ZNF559: variants seen among roughly 807,000 people sequenced by gnomAD.
ZNF559 encodes the protein zinc finger protein 559.
In ZNF559, 17 loss-of-function variants were observed where a neutral mutation model predicts 14.2. That is an observed-to-expected ratio of 1.20 (90% confidence interval 0.82 to 1.80). ZNF559 has a LOEUF of 1.80. Among genes scored for constraint, ZNF559 ranks in the 40% most tolerant of loss-of-function variants. ZNF559 has a pLI of 0.00. For missense variants in ZNF559, 740 were observed against 629.7 expected (o/e 1.18, Z -1.88); for synonymous variants, 244 against 212.4 (o/e 1.15, Z -1.29).
intron 4 of ZNF559, 58 bp downstream of exon 4, chr19:9,338,640 T>G: frequency 7.4e-7 from 1 of 1,344,366 alleles, no homozygotes. Flanking sequence ...CATGTAGATG[T>G]GTTTTCTCCT....
intron 5 of ZNF559, 138 bp from the exon 6 acceptor site, chr19:9,340,964 T>C: frequency 2.9e-6 from 2 of 692,542 alleles, no homozygotes; most frequent in South Asian, 3.8e-5. Flanking sequence ...TCAATTTATG[T>C]TTCCCGTTCT....
Position 9,343,906 on chromosome 19 carries a change from C to G in ZNF559, c.*838C>G, listed in dbSNP as rs1178834401. On this transcript the variant is annotated 3_prime_UTR_variant, in exon 7 of 7. Coordinates refer to ENST00000603380, the MANE Select transcript of ZNF559 (RefSeq NM_032497.3). ...TGGAACTCTTTATTATTGAGGAGTT[C>G]CACTCTTTCCCCCATTTGTCACTAC... 1 of 720,838 alleles carries G rather than the reference C, an allele frequency of 1.4e-6. No individual in the cohort carries two copies. The highest frequency in any genetic ancestry group is 1.7e-6 in the Non-Finnish European group (1 of 588,980). The allele number at this position is 720,838 out of a possible 1,614,324, so 44.7% of individuals were successfully genotyped here. A position where few individuals can be genotyped will look rare whatever the true frequency, so the allele number is the denominator to read the frequency against.
At chr19:9,333,829 A>C (rs1307279146) in intron 2 of ZNF559, among the ~76,000 whole-genome samples, 1 of 152,174 alleles carries the variant, frequency 6.6e-6, no homozygotes, top group Non-Finnish European at 1.5e-5. Context: ...AATCCAATAG[A>C]AAAATTAAGA....
intron 5 of ZNF559, among the ~76,000 whole-genome samples, chr19:9,339,934 A>ATTT (rs545536064): frequency 6.9e-5 from 6 of 86,420 alleles, no homozygotes; most frequent in African/African-American, 1.9e-4. Context: ...ACGCCTGGCT[A>ATTT]TTTTTTTTTT....
chr19:9,337,531 C>G (rs983217519), intron 2 of ZNF559, among the ~76,000 whole-genome samples: 1 of 152,162 alleles, frequency 6.6e-6, no homozygotes, highest in African/African-American at 2.4e-5. Context: ...AGAAGAACCT[C>G]AGGAGTTTAG....
chr19:9,324,070 C>T (rs1599264603), upstream of ZNF559: 2 of 1,313,546 alleles, frequency 1.5e-6, no homozygotes, highest in East Asian at 2.5e-5. Context: ...CATTTCCTCT[C>T]AGCTCTGGGT....
intron 1 of ZNF559, 76 bp from the exon 2 acceptor site, chr19:9,324,617 GAC>G (rs1568354656): frequency 2.9e-6 from 3 of 1,016,952 alleles, no homozygotes; most frequent in Non-Finnish European, 2.7e-6. Context: ...AACATAGGGA[GAC>G]CCCCCCCCCC....
chr19:9,328,765 G>A (rs1054683379), intron 2 of ZNF559, among the ~76,000 whole-genome samples: 3 of 152,200 alleles, frequency 2.0e-5, no homozygotes, highest in African/African-American at 7.2e-5. Flanking sequence ...ACACGGTGTC[G>A]CATTTCCTTG....
In ZNF559 at chr19:9,338,571, A is replaced by G; in HGVS notation, c.22A>G (p.Asn8Asp). 1 of 1,613,584 alleles carries G rather than the reference A, an allele frequency of 6.2e-7. No individual in the cohort carries two copies. The highest frequency in any genetic ancestry group is 1.1e-5 in the South Asian group (1 of 91,082). MVAGWLT[N>D]YSQDSVTFED... ...AAGGATGGTGGCTGGGTGGTTGACA[A>G]ATTACTCTCAGGTAAGTAGGAAATT... The change falls in exon 4 of 7, where the codon AAT becomes GAT. Residue 8 changes from asparagine (N) to aspartate (D), a missense_variant. Coordinates refer to ENST00000603380, the MANE Select transcript of ZNF559 (RefSeq NM_032497.3).
chr19:9,339,044 G>A (rs1256647343), intron 4 of ZNF559, 149 bp from the exon 5 acceptor site: 5 of 1,035,554 alleles, frequency 4.8e-6, no homozygotes, highest in Non-Finnish European at 7.2e-6. Context: ...CGGTGAATAT[G>A]TACAGACAGG....
In ZNF559 at chr19:9,338,131, G is replaced by A. The variant is rs182098351; in HGVS notation, c.-57+273G>A. 5.6e-3 allele frequency: 5,000 copies of A among 891,878 alleles called. 16 individuals carry two copies. The highest frequency in any genetic ancestry group is 7.5e-3 in the Non-Finnish European group (4,193 of 562,762). 55.2% of individuals were successfully genotyped at this position (891,878 alleles called of 1,614,324 possible). ...CCCTGCTTTTGAGATACCTAGAAGAGGCTAAAGTAGATACGAATATTCTGT... is the reference window on the plus strand; with the variant it reads ...CCCTGCTTTTGAGATACCTAGAAGAAGCTAAAGTAGATACGAATATTCTGT... On this transcript the variant is annotated intron_variant, in intron 3 of 6. Coordinates refer to ENST00000603380, the MANE Select transcript of ZNF559 (RefSeq NM_032497.3).
In ZNF559 at chr19:9,344,402, GGA is replaced by G. The variant is rs2067687169; in HGVS notation, c.*1336_*1337del. 1 of 151,760 alleles carries G rather than the reference GGA, an allele frequency of 6.6e-6. No individual in the cohort carries two copies. Among genetic ancestry groups the G allele is most frequent in the Admixed American group, 6.6e-5 (1 of 15,250 alleles). The allele number at this position is 151,760 out of a possible 1,614,324, so 9.4% of individuals were successfully genotyped here. Reference sequence around the variant, plus strand: ...CTCACACCTTAATTCCAGCAATTTGGGAGGCCAAGGCAGAAGGATCACTTGAG... The same window carrying G: ...CTCACACCTTAATTCCAGCAATTTGGGGCCAAGGCAGAAGGATCACTTGAG... On this transcript the variant is annotated 3_prime_UTR_variant, in exon 7 of 7. Coordinates refer to ENST00000603380, the MANE Select transcript of ZNF559 (RefSeq NM_032497.3).
Position 9,341,897 on chromosome 19 carries a change from G to C in ZNF559, c.446G>C (p.Cys149Ser). 1 of 1,612,012 alleles carries C rather than the reference G, an allele frequency of 6.2e-7. No individual in the cohort carries two copies. The highest frequency in any genetic ancestry group is 8.5e-7 in the Non-Finnish European group (1 of 1,179,452). The change falls in exon 7 of 7, where the codon TGT becomes TCT. Residue 149 changes from cysteine to serine, a missense_variant. Coordinates refer to ENST00000603380, the MANE Select transcript of ZNF559 (RefSeq NM_032497.3). ...KTDIGEELPNCNQCETAFSQH... is the reference protein window; with the variant it reads ...KTDIGEELPNSNQCETAFSQH... ...GATATCGGAGAGGAACTTCCTAACT[G>C]TAATCAATGTGAAACAGCCTTCAGC... is the stretch of plus-strand genomic sequence containing the variant.
At chr19:9,324,601 C>T in intron 1 of ZNF559, 94 bp from the exon 2 acceptor site, 3 of 1,146,314 alleles carry the variant, frequency 2.6e-6, no homozygotes, top group Admixed American at 2.5e-5. Flanking sequence ...CAAGACCAGG[C>T]AGGGCAACAT....
At chr19:9,327,796 T>G (rs1803888692) in intron 2 of ZNF559, among the ~76,000 whole-genome samples, 1 of 152,172 alleles carries the variant, frequency 6.6e-6, no homozygotes, top group Non-Finnish European at 1.5e-5. Flanking sequence ...TTCCTGTCAT[T>G]CGTATTGATG....
intron 2 of ZNF559, among the ~76,000 whole-genome samples, chr19:9,332,657 G>T (rs927728303): frequency 6.6e-6 from 1 of 152,110 alleles, no homozygotes; most frequent in African/African-American, 2.4e-5. Context: ...TAACTGAGAT[G>T]TCTCAGAATT....
intron 1 of ZNF559, 121 bp downstream of exon 1, chr19:9,324,349 C>G (rs1326129275): frequency 6.6e-7 from 1 of 1,516,910 alleles, no homozygotes; most frequent in Non-Finnish European, 8.8e-7. Context: ...TCGGGCATTT[C>G]GAGCATCTTG....
intron 2 of ZNF559, among the ~76,000 whole-genome samples, chr19:9,328,695 T>C (rs979929787): frequency 6.6e-6 from 1 of 152,154 alleles, no homozygotes; most frequent in African/African-American, 2.4e-5. Context: ...AGCATTTTGA[T>C]AGTCTCAGCG....
At chr19:9,338,889 TA>T (rs1187036261) in intron 4 of ZNF559, among the ~76,000 whole-genome samples, 3 of 152,204 alleles carry the variant, frequency 2.0e-5, no homozygotes, top group African/African-American at 4.8e-5. Flanking sequence ...CTGGAGCATT[TA>T]TTTGAGTGTC....
Sources: gnomAD v4.1 joint callset for allele counts (sites outside exome capture counted in the v4.1 genomes callset) on GRCh38, gnomAD v4.1.1 for gene constraint, MANE v1.5 for transcripts, NCBI Gene and HGNC (gene_info 2026-07-23, HGNC 2026-07-21) for gene names.